Variants in CD163L1 observed in about 807,000 individuals in gnomAD.
The protein encoded by CD163L1 is CD163 molecule like 1.
CD163L1 carries 124 observed loss-of-function variants against 165.4 expected under a neutral mutation model. The observed-to-expected ratio is 0.75, with a 90% CI of 0.65 to 0.87. The LOEUF (loss-of-function observed/expected upper bound fraction) is 0.87, where lower values mean the gene tolerates loss of function less well. Among genes scored for constraint, CD163L1 ranks in the 40% least tolerant of loss-of-function variants. CD163L1 has a pLI of 0.00. For synonymous variants in CD163L1, 585 were observed against 662.2 expected (o/e 0.88, Z 1.79); for missense variants, 1,525 against 1,799.9 (o/e 0.85, Z 2.76).
Position 7,370,636 on chromosome 12 carries a change from A to G in CD163L1, c.3731-971T>C, listed in dbSNP as rs115020473. On this transcript the variant is annotated intron_variant, in intron 14 of 19. Coordinates refer to ENST00000313599, the MANE Select transcript of CD163L1 (RefSeq NM_174941.6). ...AGTCATCCCCAAGTCCTCAAACCTG[A>G]TAACTTTCACATGCACCCTTTAAAA... is the stretch of plus-strand genomic sequence containing the variant. 4.2e-3 allele frequency among the ~76,000 whole-genome samples: 645 copies of G among 152,204 alleles called. 4 individuals carry two copies. Among genetic ancestry groups the G allele is most frequent in the African/African-American group, 0.015 (618 of 41,546 alleles).
At chr12:7,393,329 T>C (rs141520375) in intron 8 of CD163L1, among the ~76,000 whole-genome samples, 3,397 of 152,250 alleles carry the variant, frequency 0.022, 55 homozygotes, top group Non-Finnish European at 0.035. Flanking sequence ...AACCACATGA[T>C]TATCTCAATA....
At chr12:7,330,468 A>T in the CD163L1 span, among the ~76,000 whole-genome samples, 1 of 152,166 alleles carries the variant, frequency 6.6e-6, no homozygotes, top group African/African-American at 2.4e-5. Context: ...TCCTTGAAAA[A>T]GCTTTCAAAT....
At chr12:7,366,062 T>G (rs765915098) in intron 18 of CD163L1, among the ~76,000 whole-genome samples, 59 of 152,198 alleles carry the variant, frequency 3.9e-4, no homozygotes, top group Non-Finnish European at 6.8e-4. Flanking sequence ...ACGCACACAT[T>G]TTTAGCCATA....
chr12:7,431,398 C>T (rs1200698365), intron 4 of CD163L1, among the ~76,000 whole-genome samples: 1 of 150,120 alleles, frequency 6.7e-6, no homozygotes, highest in African/African-American at 2.5e-5. Flanking sequence ...GCCTGGGCAA[C>T]AGCCTGGGTG....
At chr12:7,382,088 A>C (rs1261587519) in intron 8 of CD163L1, among the ~76,000 whole-genome samples, 2 of 149,164 alleles carry the variant, frequency 1.3e-5, no homozygotes, top group Non-Finnish European at 3.0e-5. Flanking sequence ...ATACACACAT[A>C]GAGATATATA....
the CD163L1 span, chr12:7,327,112 A>G: frequency 1.5e-5 from 23 of 1,583,618 alleles, no homozygotes; most frequent in East Asian, 2.3e-5. Flanking sequence ...GCTTTGCCCA[A>G]AAGTTAAGTT....
At chr12:7,365,813 G>C (rs1473064887) in intron 18 of CD163L1, among the ~76,000 whole-genome samples, 6 of 152,012 alleles carry the variant, frequency 3.9e-5, no homozygotes, top group Non-Finnish European at 7.4e-5. Context: ...CCATTGACAG[G>C]AATATAAATT....
At chr12:7,442,515 A>G (rs1363815542) in intron 1 of CD163L1, among the ~76,000 whole-genome samples, 1 of 152,210 alleles carries the variant, frequency 6.6e-6, no homozygotes, top group Non-Finnish European at 1.5e-5. Flanking sequence ...CTTTATTATT[A>G]CAATTATCAT....
chr12:7,342,899 C>T (rs1397425606), downstream of CD163L1, among the ~76,000 whole-genome samples: 2 of 152,234 alleles, frequency 1.3e-5, no homozygotes, highest in Admixed American at 1.3e-4. Context: ...TCTTTCCTCT[C>T]CCACATCAGG....
the CD163L1 span, among the ~76,000 whole-genome samples, chr12:7,333,841 A>G: frequency 6.6e-6 from 1 of 152,238 alleles, no homozygotes; most frequent in Non-Finnish European, 1.5e-5. Context: ...ACAAACTACC[A>G]TCAGAGAATA....
rs570324740 is a variant in CD163L1 at position 7,431,420 on chromosome 12, C to T, written c.766+996G>A. On this transcript the variant is annotated intron_variant, in intron 4 of 19. Coordinates refer to ENST00000313599, the MANE Select transcript of CD163L1 (RefSeq NM_174941.6). ...CAACAGCCTGGGTGACAGAATGAGA[C>T]TCCATCCAAAAAAAAAAGATGAAGA... 1.3e-3 allele frequency among the ~76,000 whole-genome samples: 148 copies of T among 110,624 alleles called. No individual in the cohort carries two copies. In the East Asian group the frequency reaches 0.014, roughly 11 times the overall value. 72.6% of individuals were successfully genotyped at this position (110,624 alleles called of 152,430 possible).
intron 6 of CD163L1, among the ~76,000 whole-genome samples, chr12:7,399,351 TTC>T (rs1381052177): frequency 4.5e-5 from 6 of 133,088 alleles, no homozygotes; most frequent in African/African-American, 7.5e-5. Context: ...TCTTCTTTCA[TTC>T]TCTCTTCTTT....
At position 7,398,609 on chromosome 12, in the gene CD163L1, T is replaced by C. The variant is rs771730289; in HGVS notation, c.1409-25A>G. On this transcript the variant is annotated intron_variant, in intron 6 of 19. Coordinates refer to ENST00000313599, the MANE Select transcript of CD163L1 (RefSeq NM_174941.6). The surrounding 1 kb of genome is among the most constrained non-coding windows in gnomAD (Gnocchi z 4.5). ...TCTGCAAGCAAGACAAAACCACATA[T>C]TTGAGATCAAATGAGAGAGTCTTTT... The C allele has an allele frequency of 6.6e-7, 1 of 1,522,596 alleles. No individual in the cohort carries two copies. 94.3% of individuals were successfully genotyped at this position (1,522,596 alleles called of 1,614,324 possible).
Position 7,432,666 on chromosome 12 carries a change from G to A in CD163L1, c.516C>T (p.Phe172=), listed in dbSNP as rs759566459. 6.2e-7 allele frequency: 1 copy of A among 1,613,938 alleles called. No individual in the cohort carries two copies. Among genetic ancestry groups the A allele is most frequent in the East Asian group, 2.2e-5 (1 of 44,874 alleles). The change falls in exon 4 of 20, where the codon TTC becomes TTT. Residue 172 remains phenylalanine (F), a synonymous_variant. Coordinates refer to ENST00000313599, the MANE Select transcript of CD163L1 (RefSeq NM_174941.6). The surrounding 1 kb of genome is among the most constrained non-coding windows in gnomAD (Gnocchi z 4.2). ...NSCSGRVEVK[F]QERWGTICDD... ...CACATATAGTTCCCCACCTTTCTTG[G>A]AATTTCACCTCCACTCTCCCTGAAC...
At position 7,422,257 on chromosome 12, in the gene CD163L1, G is replaced by C. The variant is rs115987626; in HGVS notation, c.766+10159C>G. 8.1e-3 allele frequency among the ~76,000 whole-genome samples: 1,229 copies of C among 152,178 alleles called. 13 individuals are homozygous for C. The highest frequency in any genetic ancestry group is 0.028 in the African/African-American group (1,156 of 41,514). On this transcript the variant is annotated intron_variant, in intron 4 of 19. Transcript: ENST00000313599. ...AGCAATAACATCAACATCAACAAAA[G>C]AATGTCCACACAGAAACCCCATGCA... is the stretch of plus-strand genomic sequence containing the variant.
At chr12:7,375,188 C>G in intron 11 of CD163L1, 93 bp downstream of exon 11, 1 of 1,307,884 alleles carries the variant, frequency 7.6e-7, no homozygotes, top group African/African-American at 1.5e-5. Flanking sequence ...ACCTGCACCC[C>G]CATTTTCTTA....
the CD163L1 span, among the ~76,000 whole-genome samples, chr12:7,331,593 G>A: frequency 6.6e-6 from 1 of 152,194 alleles, no homozygotes; most frequent in South Asian, 2.1e-4. Context: ...AACTTCCAGA[G>A]GAACGATCAG....
In CD163L1 at chr12:7,355,155, C is replaced by T. The variant is rs754948756; in HGVS notation, c.*25-25G>A. The T allele has an allele frequency of 2.6e-5, 4 of 152,142 alleles. No homozygotes were observed. The East Asian group carries it at 5.8e-4, about 22-fold the overall frequency. 9.4% of individuals were successfully genotyped at this position (152,142 alleles called of 1,614,324 possible). On this transcript the variant is annotated intron_variant, in intron 19 of 19. Transcript: ENST00000313599. Reference sequence around the variant, plus strand: ...TCTGAAATTATAAAACAAGAGGCAACAAGTTACTATTCTTCTAAATAAGAA... The same window carrying T: ...TCTGAAATTATAAAACAAGAGGCAATAAGTTACTATTCTTCTAAATAAGAA...
At chr12:7,323,240 AT>A in the CD163L1 span, 1 of 1,607,968 alleles carries the variant, frequency 6.2e-7, no homozygotes, top group Non-Finnish European at 8.5e-7. Context: ...ATAGGGAATG[AT>A]TTGTGCCAAT....
Sources: gnomAD v4.1 joint callset for allele counts (sites outside exome capture counted in the v4.1 genomes callset) on GRCh38, gnomAD v4.1.1 for gene constraint, Gnocchi (gnomAD v3.1) non-coding constraint, MANE v1.5 for transcripts, NCBI Gene and HGNC (gene_info 2026-07-23, HGNC 2026-07-21) for gene names.